Variants in PTPRO observed in about 807,000 individuals in gnomAD.
PTPRO encodes the protein receptor-type tyrosine-protein phosphatase O.
In PTPRO, 62 loss-of-function variants were observed where a neutral mutation model predicts 145.2. The observed-to-expected ratio is 0.43, with a 90% CI of 0.35 to 0.53. The LOEUF (loss-of-function observed/expected upper bound fraction) is 0.53, where lower values mean the gene tolerates loss of function less well. Among genes scored for constraint, PTPRO ranks in the 20% least tolerant of loss-of-function variants. The pLI is 0.01. For synonymous variants in PTPRO, 565 were observed against 514.7 expected, an observed-to-expected ratio of 1.10 and a Z score of -1.32; for missense variants, 1,345 against 1,482.7, an observed-to-expected ratio of 0.91 and a Z score of 1.53.
intron 2 of PTPRO, among the ~76,000 whole-genome samples, chr12:15,495,064 G>C (rs1000168132): frequency 1.3e-5 from 2 of 151,986 alleles, no homozygotes; most frequent in African/African-American, 4.8e-5. Context: ...TTGGTTGATT[G>C]GTTGACATGG....
At chr12:15,386,490 T>C (rs1939033548) in intron 1 of PTPRO, among the ~76,000 whole-genome samples, 1 of 152,118 alleles carries the variant, frequency 6.6e-6, no homozygotes, top group African/African-American at 2.4e-5. Context: ...TAACCTGAAG[T>C]ATATTTATTG....
intron 1 of PTPRO, among the ~76,000 whole-genome samples, chr12:15,411,896 G>A (rs1188067586): frequency 6.6e-6 from 1 of 152,180 alleles, no homozygotes; most frequent in African/African-American, 2.4e-5. Flanking sequence ...TAGCCCAGCA[G>A]CATGCATCAG....
At chr12:15,354,499 T>C (rs977052724) in intron 1 of PTPRO, among the ~76,000 whole-genome samples, 2 of 152,204 alleles carry the variant, frequency 1.3e-5, no homozygotes, top group Non-Finnish European at 2.9e-5. Context: ...AATCCATCTA[T>C]AGTTTTCTCA....
At chr12:15,453,588 A>G (rs1021120535) in intron 1 of PTPRO, among the ~76,000 whole-genome samples, 7 of 152,026 alleles carry the variant, frequency 4.6e-5, no homozygotes, top group Admixed American at 4.6e-4. Flanking sequence ...TTATTGTGTA[A>G]GAACACTTAA....
At chr12:15,559,002 T>A (rs1427097119) in intron 16 of PTPRO, among the ~76,000 whole-genome samples, 1 of 152,216 alleles carries the variant, frequency 6.6e-6, no homozygotes, top group African/African-American at 2.4e-5. Context: ...TAGCACTCTT[T>A]CCAAAATTAA....
At chr12:15,469,768 C>CCAAAA (rs763723552) in intron 1 of PTPRO, among the ~76,000 whole-genome samples, 2 of 110,402 alleles carry the variant, frequency 1.8e-5, no homozygotes, top group Non-Finnish European at 1.9e-5. Context: ...AGTGTCCTGA[C>CCAAAA]AAAAAAAAAA....
At chr12:15,527,608 C>T (rs1424460578) in intron 12 of PTPRO, among the ~76,000 whole-genome samples, 1 of 152,208 alleles carries the variant, frequency 6.6e-6, no homozygotes, top group Non-Finnish European at 1.5e-5. Context: ...ATGAGCCCCC[C>T]AGCTAACTTT....
rs1274345703 is a variant in PTPRO, at chr12:15,589,468, C to T, written c.3424C>T (p.Arg1142Trp). Residue 1142 changes from arginine to tryptophan, a missense_variant, in exon 25 of 27, where the codon CGG (arginine) becomes TGG (tryptophan). By Grantham distance (101) the Arg-to-Trp change is moderately radical (BLOSUM62 -3). Transcript: ENST00000281171. ...ATTCTTTTGCAGTGCTGGCGTGGGA[C>T]GGACAGGAACATTCATTGCCCTGGA... ...MIIHCSAGVGRTGTFIALDRL... is the reference protein window; with the variant it reads ...MIIHCSAGVGWTGTFIALDRL... 3.7e-6 allele frequency: 6 copies of T among 1,613,932 alleles called. No individual in the cohort carries two copies. Among genetic ancestry groups the T allele is most frequent in the East Asian group, 2.2e-5 (1 of 44,864 alleles).
At chr12:15,352,854 A>G (rs1937856531) in intron 1 of PTPRO, among the ~76,000 whole-genome samples, 1 of 152,146 alleles carries the variant, frequency 6.6e-6, no homozygotes, top group Non-Finnish European at 1.5e-5. Context: ...TGGCATAGCA[A>G]TGAATCTATG....
intron 1 of PTPRO, among the ~76,000 whole-genome samples, chr12:15,442,197 T>C (rs1245318455): frequency 6.6e-6 from 1 of 152,188 alleles, no homozygotes; most frequent in Admixed American, 6.5e-5. Context: ...TGATTCAATG[T>C]ACACAAATCA....
chr12:15,436,387 A>G (rs545940823), intron 1 of PTPRO, among the ~76,000 whole-genome samples: 34 of 152,348 alleles, frequency 2.2e-4, no homozygotes, highest in African/African-American at 6.5e-4. Flanking sequence ...TTATTATTAC[A>G]TAAAAAACAA....
intron 1 of PTPRO, among the ~76,000 whole-genome samples, chr12:15,423,469 C>T (rs1055712866): frequency 6.6e-6 from 1 of 150,948 alleles, no homozygotes; most frequent in African/African-American, 2.4e-5. Flanking sequence ...AGGTGGGTTA[C>T]AGTGTTAAAA....
In PTPRO at chr12:15,344,566, A is replaced by G. The variant is rs548544794; in HGVS notation, c.75+21765A>G. On this transcript the variant is annotated intron_variant, in intron 1 of 26. Coordinates refer to ENST00000281171, the MANE Select transcript of PTPRO (RefSeq NM_030667.3). ...TGATATTGCTCCACATTGAAAGTTAAAACTTTTATATATGTTCTCTCAGAT... is the reference window on the plus strand; with the variant it reads ...TGATATTGCTCCACATTGAAAGTTAGAACTTTTATATATGTTCTCTCAGAT... Among the ~76,000 whole-genome samples the G allele has an allele frequency of 1.9e-4, 29 of 152,358 alleles. 2 individuals are homozygous for G. In the South Asian group the frequency reaches 6.0e-3, roughly 32 times the overall value.
At chr12:15,390,112 G>A (rs1939147301) in intron 1 of PTPRO, among the ~76,000 whole-genome samples, 1 of 152,134 alleles carries the variant, frequency 6.6e-6, no homozygotes, top group African/African-American at 2.4e-5. Context: ...ATTTTCTGGG[G>A]AGCCTTATGA....
intron 1 of PTPRO, chr12:15,346,488 T>C (rs1025822425): frequency 6.6e-6 from 1 of 152,238 alleles, no homozygotes; most frequent in Admixed American, 6.5e-5. Flanking sequence ...TGCAGCTTGT[T>C]GGGCACATAA....
intron 1 of PTPRO, among the ~76,000 whole-genome samples, chr12:15,411,588 G>T (rs751592585): frequency 8.5e-5 from 13 of 152,190 alleles, no homozygotes; most frequent in Admixed American, 2.6e-4. Flanking sequence ...ACAGAATGCT[G>T]TCATACGTCT....
At chr12:15,341,396 C>A (rs1188278642) in intron 1 of PTPRO, among the ~76,000 whole-genome samples, 1 of 152,078 alleles carries the variant, frequency 6.6e-6, no homozygotes, top group Non-Finnish European at 1.5e-5. Context: ...CTATGTCATA[C>A]CCCCTCCTCT....
chr12:15,582,755 G>A (rs555202425), intron 23 of PTPRO, among the ~76,000 whole-genome samples: 1 of 151,840 alleles, frequency 6.6e-6, no homozygotes, highest in Non-Finnish European at 1.5e-5. Flanking sequence ...TTCATTATTT[G>A]TAAGGTACTT....
chr12:15,503,833 T>C (rs1387704764), intron 5 of PTPRO, 75 bp from the exon 6 acceptor site: 2 of 1,255,744 alleles, frequency 1.6e-6, no homozygotes, highest in Non-Finnish European at 2.2e-6. Context: ...TTTTTTTTCA[T>C]TAATCGACTT....
Sources: gnomAD v4.1 joint callset for allele counts (sites outside exome capture counted in the v4.1 genomes callset) on GRCh38, gnomAD v4.1.1 for gene constraint, MANE v1.5 for transcripts, NCBI Gene and HGNC (gene_info 2026-07-23, HGNC 2026-07-21) for gene names.